The following TIMD4 variants were observed in gnomAD, a reference collection of about 807,000 sequenced individuals.
TIMD4 encodes T cell immunoglobulin and mucin domain containing 4, also known as T-cell immunoglobulin and mucin domain-containing protein 4.
Under a neutral mutation model 41.2 loss-of-function variants are expected in TIMD4, and 31 were observed. The observed-to-expected ratio is 0.75, with a 90% CI of 0.57 to 1.01. The LOEUF is 1.01. TIMD4 is among the 50% of genes least tolerant of loss of function. TIMD4 has a pLI of 0.00. For synonymous variants in TIMD4, 204 were observed against 177.1 expected (o/e 1.15, Z -1.21); for missense variants, 479 against 472.5 (o/e 1.01, Z -0.13).
intron 5 of TIMD4, among the ~76,000 whole-genome samples, chr5:156,939,229 T>C (rs1759596467): frequency 6.6e-6 from 1 of 152,222 alleles, no homozygotes. Context: ...TTTTTTAACC[T>C]CTTCAAGCCT....
chr5:156,958,803 G>C (rs577170692), intron 1 of TIMD4, among the ~76,000 whole-genome samples: 3 of 152,238 alleles, frequency 2.0e-5, no homozygotes, highest in African/African-American at 7.2e-5. Context: ...TGTATATATG[G>C]GGAATGGCTA....
chr5:156,941,958 A>T (rs1368163238), intron 5 of TIMD4, among the ~76,000 whole-genome samples: 5 of 152,174 alleles, frequency 3.3e-5, no homozygotes, highest in Admixed American at 3.3e-4. Context: ...GGCTTTGCAA[A>T]ATAAAAAGAT....
chr5:156,940,393 A>G (rs1259993304), intron 5 of TIMD4, among the ~76,000 whole-genome samples: 1 of 152,094 alleles, frequency 6.6e-6, no homozygotes, highest in East Asian at 1.9e-4. Flanking sequence ...CTAGGAAGTG[A>G]GGAGCGTCTC....
chr5:156,933,855 C>A (rs888397523), intron 5 of TIMD4, among the ~76,000 whole-genome samples: 1 of 152,162 alleles, frequency 6.6e-6, no homozygotes, highest in African/African-American at 2.4e-5. Flanking sequence ...CCACCGTGCC[C>A]GGCCCTTTCT....
At chr5:156,962,170 A>T (rs1753076339) in intron 1 of TIMD4, among the ~76,000 whole-genome samples, 1 of 152,196 alleles carries the variant, frequency 6.6e-6, no homozygotes, top group Admixed American at 6.5e-5. Flanking sequence ...ACAATTAAAT[A>T]GAAGGAATAA....
At chr5:156,922,254 G>T in intron 6 of TIMD4, 38 bp from the exon 7 acceptor site, 2 of 1,483,222 alleles carry the variant, frequency 1.3e-6, no homozygotes, top group Non-Finnish European at 1.9e-6. Flanking sequence ...CCCAGTCACT[G>T]CTAGATGCCA....
chr5:156,922,650 A>G (rs527877933), intron 6 of TIMD4, among the ~76,000 whole-genome samples: 1 of 152,336 alleles, frequency 6.6e-6, no homozygotes, highest in African/African-American at 2.4e-5. Flanking sequence ...GGCCCATGAG[A>G]TCAAAATGAT....
chr5:156,958,799 T>A (rs777818171), intron 1 of TIMD4, among the ~76,000 whole-genome samples: 15 of 152,196 alleles, frequency 9.9e-5, no homozygotes, highest in Non-Finnish European at 1.8e-4. Flanking sequence ...ACAATGTATA[T>A]ATGGGGAATG....
intron 5 of TIMD4, among the ~76,000 whole-genome samples, chr5:156,938,588 C>T (rs1759582332): frequency 6.6e-6 from 1 of 152,212 alleles, no homozygotes; most frequent in South Asian, 2.1e-4. Flanking sequence ...CCTCTTCTCT[C>T]TTATCTCCAC....
In TIMD4 at chr5:156,927,055, G is replaced by A. The variant is rs4704823; in HGVS notation, c.845-743C>T. On this transcript the variant is annotated intron_variant, in intron 5 of 8. Transcript: ENST00000274532. ...TACAGTCCATTAGAGAAGAGAGACCGAAAGATGATTTCAGCCTAACAGGCC... is the reference window on the plus strand; with the variant it reads ...TACAGTCCATTAGAGAAGAGAGACCAAAAGATGATTTCAGCCTAACAGGCC... 5.3e-5 allele frequency among the ~76,000 whole-genome samples: 8 copies of A among 152,310 alleles called. No homozygotes were observed. In the East Asian group the frequency reaches 7.7e-4, roughly 15 times the overall value.
At chr5:156,936,584 G>T (rs1759543536) in intron 5 of TIMD4, among the ~76,000 whole-genome samples, 1 of 151,934 alleles carries the variant, frequency 6.6e-6, no homozygotes, top group South Asian at 2.1e-4. Context: ...CTATCCTCTG[G>T]GCTCTATGGA....
intron 3 of TIMD4, among the ~76,000 whole-genome samples, chr5:156,951,007 TACACACACAC>T (rs3068099): frequency 6.7e-6 from 1 of 149,380 alleles, no homozygotes; most frequent in African/African-American, 2.5e-5. Flanking sequence ...CACCTCCTCG[TACACACACAC>T]ACACACACAC....
intron 5 of TIMD4, among the ~76,000 whole-genome samples, chr5:156,932,912 G>A (rs1032496935): frequency 3.3e-5 from 5 of 152,152 alleles, no homozygotes; most frequent in African/African-American, 1.2e-4. Context: ...GTTGAGGCAA[G>A]AGAATGGCTT....
At chr5:156,949,311 G>A (rs1759806635) in intron 4 of TIMD4, among the ~76,000 whole-genome samples, 1 of 152,220 alleles carries the variant, frequency 6.6e-6, no homozygotes, top group Non-Finnish European at 1.5e-5. Context: ...GAATGAGACA[G>A]CTAAGTGCTA....
chr5:156,946,276 G>A (rs1010957353), intron 5 of TIMD4, among the ~76,000 whole-genome samples: 3 of 152,118 alleles, frequency 2.0e-5, no homozygotes, highest in African/African-American at 7.2e-5. Flanking sequence ...CATAGACAAA[G>A]AGGGTTTGGA....
chr5:156,935,471 A>G (rs1421426481), intron 5 of TIMD4: 1 of 152,242 alleles, frequency 6.6e-6, no homozygotes, highest in Non-Finnish European at 1.5e-5. Flanking sequence ...AAATGAATAA[A>G]TCAACAGAGC....
intron 1 of TIMD4, 98 bp from the exon 2 acceptor site, chr5:156,954,854 G>C: frequency 4.0e-6 from 4 of 1,006,038 alleles, no homozygotes; most frequent in Non-Finnish European, 5.8e-6. Flanking sequence ...GGAAGATGAA[G>C]AAAGCTGTAG....
At chr5:156,934,221 A>T (rs1253288398) in intron 5 of TIMD4, among the ~76,000 whole-genome samples, 4 of 152,234 alleles carry the variant, frequency 2.6e-5, no homozygotes, top group Non-Finnish European at 5.9e-5. Flanking sequence ...TGCCAGGCAC[A>T]GTTATAAGCA....
At position 156,954,499 on chromosome 5, in the gene TIMD4, C is replaced by T. The variant is rs1308832781; in HGVS notation, c.316G>A (p.Asp106Asn). The part of the protein sequence containing the change: ...SLTILNPSES[D>N]SGVYCCRIEV... ...ATGCGGCAGCAGTACACACCGCTGT[C>T]ACTTTCACTGGGGTTTAAGATGGTC... Residue 106 changes from aspartate to asparagine, a missense_variant, in exon 2 of 9, where the codon GAC (aspartate) becomes AAC (asparagine). By Grantham distance (23) the Asp-to-Asn change is conservative (BLOSUM62 1). Coordinates refer to ENST00000274532, the MANE Select transcript of TIMD4 (RefSeq NM_138379.3). 4.3e-6 allele frequency: 7 copies of T among 1,614,128 alleles called. No individual in the cohort carries two copies. Among genetic ancestry groups the T allele is most frequent in the Non-Finnish European group, 5.9e-6 (7 of 1,180,054 alleles).
Sources: gnomAD v4.1 joint callset for allele counts (sites outside exome capture counted in the v4.1 genomes callset) on GRCh38, gnomAD v4.1.1 for gene constraint, MANE v1.5 for transcripts, NCBI Gene and HGNC (gene_info 2026-07-23, HGNC 2026-07-21) for gene names.